MCC: variants seen among roughly 807,000 people sequenced by gnomAD.
MCC encodes the protein MCC regulator of Wnt signaling pathway, also known as colorectal mutant cancer protein.
MCC carries 90 observed loss-of-function variants against 116.2 expected under a neutral mutation model. The observed-to-expected ratio is 0.77, with a 90% CI of 0.65 to 0.92. MCC has a LOEUF of 0.92. Ranked by LOEUF, MCC falls within the 40% of genes least tolerant of loss-of-function variation. MCC has a pLI of 0.00. For missense variants in MCC, 1,516 were observed against 1,312.2 expected (o/e 1.16, Z -2.40); for synonymous variants, 578 against 510.5 (o/e 1.13, Z -1.78).
chr5:113,469,253 T>C (rs2150430028), intron 1 of MCC, among the ~76,000 whole-genome samples: 1 of 152,320 alleles, frequency 6.6e-6, no homozygotes, highest in Non-Finnish European at 1.5e-5. Context: ...CTTGCTTTTC[T>C]AGTTCTTTTA....
chr5:113,460,980 A>G (rs78851676), intron 1 of MCC, among the ~76,000 whole-genome samples: 2,345 of 152,360 alleles, frequency 0.015, 64 homozygotes, highest in African/African-American at 0.054. Context: ...ATTAATTACT[A>G]TAAGCCAAGC....
intron 3 of MCC, among the ~76,000 whole-genome samples, chr5:113,224,162 T>G (rs981343923): frequency 5.3e-5 from 8 of 152,206 alleles, no homozygotes; most frequent in Non-Finnish European, 7.3e-5. Flanking sequence ...TGGTGTGATT[T>G]CGGCTCACTG....
chr5:113,467,961 T>C (rs1771963741), intron 1 of MCC, among the ~76,000 whole-genome samples: 1 of 152,154 alleles, frequency 6.6e-6, no homozygotes, highest in South Asian at 2.1e-4. Flanking sequence ...GAATGGGAGT[T>C]CACTCATGAT....
At chr5:113,033,466 T>C (rs776404940) in intron 17 of MCC, among the ~76,000 whole-genome samples, 1 of 152,244 alleles carries the variant, frequency 6.6e-6, no homozygotes, top group Non-Finnish European at 1.5e-5. Flanking sequence ...TCAAGTCACA[T>C]TGAAACCTCA....
chr5:113,139,888 C>A (rs993017147), intron 5 of MCC, among the ~76,000 whole-genome samples: 10 of 152,014 alleles, frequency 6.6e-5, no homozygotes, highest in Non-Finnish European at 1.2e-4. Context: ...TACAAAGACA[C>A]CAAAAGCAAC....
At chr5:113,318,043 G>C (rs887893902) in intron 3 of MCC, among the ~76,000 whole-genome samples, 3 of 152,206 alleles carry the variant, frequency 2.0e-5, no homozygotes, top group African/African-American at 7.2e-5. Context: ...GTGGAGGTCA[G>C]AGGATTTCCA....
intron 9 of MCC, 149 bp downstream of exon 9, chr5:113,085,015 T>G (rs1755106725): frequency 1.0e-6 from 1 of 996,648 alleles, no homozygotes; most frequent in Middle Eastern, 3.2e-4. Flanking sequence ...TCCTTGCAGC[T>G]CCTGCATAGA....
At chr5:113,483,595 G>A (rs1772435932) in intron 1 of MCC, among the ~76,000 whole-genome samples, 1 of 151,920 alleles carries the variant, frequency 6.6e-6, no homozygotes, top group Admixed American at 6.6e-5. Flanking sequence ...CCCAAAAGAA[G>A]TTATTTTTAA....
chr5:113,126,712 T>C (rs184126879), intron 5 of MCC, among the ~76,000 whole-genome samples: 45 of 152,344 alleles, frequency 3.0e-4, no homozygotes, highest in Admixed American at 3.9e-4. Flanking sequence ...CACAACCTAA[T>C]AGATACTAGT....
intron 17 of MCC, among the ~76,000 whole-genome samples, chr5:113,039,488 T>C (rs1293559347): frequency 6.6e-6 from 1 of 152,172 alleles, no homozygotes; most frequent in Non-Finnish European, 1.5e-5. Context: ...GACATGGCTG[T>C]TTACTGGAGG....
chr5:113,295,554 C>G (rs988499852), intron 3 of MCC, among the ~76,000 whole-genome samples: 16 of 152,136 alleles, frequency 1.1e-4, no homozygotes, highest in Non-Finnish European at 2.2e-4. Context: ...CTCCCCAACC[C>G]CCAGACCTTC....
chr5:113,482,360 A>G (rs1772402050), intron 1 of MCC, among the ~76,000 whole-genome samples: 1 of 152,200 alleles, frequency 6.6e-6, no homozygotes, highest in Non-Finnish European at 1.5e-5. Context: ...TAGCTGCATC[A>G]TTTCACATTG....
At chr5:113,030,676 AAAAC>A (rs746391974) in intron 17 of MCC, among the ~76,000 whole-genome samples, 6 of 152,196 alleles carry the variant, frequency 3.9e-5, no homozygotes, top group Admixed American at 3.3e-4. Context: ...AGACCATCTC[AAAAC>A]AAACAAAAAA....
chr5:113,030,284 A>C (rs1172451893), intron 17 of MCC, among the ~76,000 whole-genome samples: 3 of 152,226 alleles, frequency 2.0e-5, no homozygotes, highest in African/African-American at 7.2e-5. Context: ...TCACTTAGGC[A>C]TTGGTTACAA....
At chr5:113,373,661 G>T (rs930676955) in intron 2 of MCC, among the ~76,000 whole-genome samples, 24 of 152,154 alleles carry the variant, frequency 1.6e-4, no homozygotes, top group African/African-American at 4.3e-4. Context: ...AATTTAAACA[G>T]ATTCTTCCTC....
intron 3 of MCC, among the ~76,000 whole-genome samples, chr5:113,291,766 G>C (rs1428001612): frequency 5.9e-5 from 9 of 152,130 alleles, no homozygotes; most frequent in Admixed American, 5.9e-4. Context: ...TAGTGTTTAA[G>C]AGAAAAATGA....
intron 17 of MCC, among the ~76,000 whole-genome samples, chr5:113,041,388 T>A (rs1751696546): frequency 6.6e-6 from 1 of 152,154 alleles, no homozygotes; most frequent in African/African-American, 2.4e-5. Context: ...ATATCAGAAA[T>A]CATGCTCAAT....
chr5:113,337,712 A>G (rs1767902152), intron 3 of MCC, among the ~76,000 whole-genome samples: 1 of 152,156 alleles, frequency 6.6e-6, no homozygotes, highest in Admixed American at 6.5e-5. Context: ...TTTTGCTCTT[A>G]GTAGCTATTT....
intron 3 of MCC, among the ~76,000 whole-genome samples, chr5:113,177,929 C>T (rs1194930307): frequency 1.3e-5 from 2 of 152,182 alleles, no homozygotes; most frequent in African/African-American, 4.8e-5. Flanking sequence ...AAAATGATTT[C>T]CTTCTTTTCG....
Sources: gnomAD v4.1 joint callset for allele counts (sites outside exome capture counted in the v4.1 genomes callset) on GRCh38, gnomAD v4.1.1 for gene constraint, MANE v1.5 for transcripts, NCBI Gene and HGNC (gene_info 2026-07-23, HGNC 2026-07-21) for gene names.